DMD: variants seen among roughly 807,000 people sequenced by gnomAD.
The protein encoded by DMD is dystrophin.
A neutral mutation model predicts 330.1 loss-of-function variants in DMD; 63 were observed. That is an observed-to-expected ratio of 0.19 (90% confidence interval 0.16 to 0.24). The LOEUF (loss-of-function observed/expected upper bound fraction) is 0.24, where lower values mean the gene tolerates loss of function less well. Ranked by LOEUF, DMD falls within the 10% of genes least tolerant of loss-of-function variation. The pLI is 1.00. For synonymous variants in DMD, 1,223 were observed against 959.8 expected (o/e 1.27, Z -5.07); for missense variants, 3,344 against 2,684.1 (o/e 1.25, Z -5.43).
intron 46 of DMD, among the ~76,000 whole-genome samples, chrX:31,931,210 T>C (rs1296672126): frequency 9.0e-6 from 1 of 111,316 alleles, no homozygotes; most frequent in Non-Finnish European, 1.9e-5. Context: ...TGGCTGTAAA[T>C]GTATCTAATA....
At chrX:31,760,942 A>AC (rs767837827) in intron 51 of DMD, among the ~76,000 whole-genome samples, 1 of 80,916 alleles carries the variant, frequency 1.2e-5, no homozygotes, top group Non-Finnish European at 2.3e-5. Flanking sequence ...CCTAGTTAGT[A>AC]TTTTTTTTTT....
chrX:31,151,996 A>C (rs2037471259), intron 74 of DMD, among the ~76,000 whole-genome samples: 1 of 111,546 alleles, frequency 9.0e-6, no homozygotes, highest in Non-Finnish European at 1.9e-5. Flanking sequence ...TCATCTTCTA[A>C]TTCCCTTGCC....
intron 44 of DMD, among the ~76,000 whole-genome samples, chrX:32,187,356 C>A (rs941063701): frequency 1.8e-5 from 2 of 111,263 alleles, no homozygotes; most frequent in African/African-American, 6.5e-5. Flanking sequence ...TCACTGAATA[C>A]ATTTCTACCA....
rs187119746 is a variant in DMD, at chrX:32,159,970, G to A, written c.6438+56946C>T. Among the ~76,000 whole-genome samples the A allele has an allele frequency of 3.2e-3, 357 of 111,552 alleles. 4 individuals carry two copies. The highest frequency in any genetic ancestry group is 0.014 in the Middle Eastern group (3 of 218). ...TCTGATGCACATCAAAGTTTGAGAA[G>A]CACTATTCAAAATAATATGCTGGAG... On this transcript the variant is annotated intron_variant, in intron 44 of 78. Transcript: ENST00000357033.
chrX:32,630,989 A>G (rs67578413), intron 11 of DMD, among the ~76,000 whole-genome samples: 14,784 of 110,925 alleles, frequency 0.13, 869 homozygotes, highest in African/African-American at 0.23. Flanking sequence ...CCAGGTATTT[A>G]AAGGTTCTTG....
At chrX:32,867,482 T>G (rs2082607553) in intron 2 of DMD, among the ~76,000 whole-genome samples, 1 of 112,268 alleles carries the variant, frequency 8.9e-6, no homozygotes, top group Non-Finnish European at 1.9e-5. Flanking sequence ...TGAGAAAATC[T>G]TAATAGGTAC....
At chrX:31,678,916 C>A (rs1569219453) in intron 53 of DMD, among the ~76,000 whole-genome samples, 2 of 112,200 alleles carry the variant, frequency 1.8e-5, no homozygotes, top group East Asian at 5.6e-4. Context: ...TGTCAATTTT[C>A]CTCTATTCTC....
chrX:32,907,937 T>C (rs934908030), intron 2 of DMD, among the ~76,000 whole-genome samples: 7 of 109,998 alleles, frequency 6.4e-5, no homozygotes, highest in Non-Finnish European at 9.5e-5. Context: ...AAACACAAAA[T>C]CAGGTGCCCA....
chrX:32,759,740 T>C (rs781243991), intron 7 of DMD, among the ~76,000 whole-genome samples: 1 of 109,930 alleles, frequency 9.1e-6, no homozygotes, highest in Non-Finnish European at 1.9e-5. Context: ...AACTCCTTTT[T>C]TAAAGTTTCA....
intron 44 of DMD, among the ~76,000 whole-genome samples, chrX:32,096,728 G>A (rs1048945269): frequency 9.0e-6 from 1 of 111,205 alleles, no homozygotes; most frequent in Non-Finnish European, 1.9e-5. Flanking sequence ...CTAACAGAGG[G>A]GTTATTAGCC....
intron 62 of DMD, among the ~76,000 whole-genome samples, chrX:31,307,825 C>T (rs2055160481): frequency 9.0e-6 from 1 of 111,645 alleles, no homozygotes; most frequent in African/African-American, 3.3e-5. Flanking sequence ...GGATTTACCA[C>T]TTACCTTACT....
At chrX:32,800,944 C>G (rs1292388503) in intron 7 of DMD, among the ~76,000 whole-genome samples, 1 of 111,635 alleles carries the variant, frequency 9.0e-6, no homozygotes, top group Non-Finnish European at 1.9e-5. Flanking sequence ...TTTATCCAGT[C>G]TATCATTGAT....
At chrX:31,297,260 A>G (rs1401644213) in intron 62 of DMD, among the ~76,000 whole-genome samples, 1 of 110,536 alleles carries the variant, frequency 9.0e-6, no homozygotes, top group Non-Finnish European at 1.9e-5. Context: ...TGTATGGTCT[A>G]AAAAAGAGGA....
chrX:32,489,863 T>G (rs1267053947), intron 20 of DMD, among the ~76,000 whole-genome samples: 2 of 111,940 alleles, frequency 1.8e-5, no homozygotes, highest in Admixed American at 1.9e-4. Context: ...ATTCTTAAAT[T>G]ACAAAATGCA....
chrX:31,841,628 T>C (rs2093320313), intron 48 of DMD, among the ~76,000 whole-genome samples: 2 of 112,047 alleles, frequency 1.8e-5, no homozygotes, highest in Non-Finnish European at 1.9e-5. Flanking sequence ...TTGAAGACAA[T>C]GCTCATTTAC....
At chrX:31,128,982 A>T (rs1569302854) in intron 77 of DMD, among the ~76,000 whole-genome samples, 1 of 110,360 alleles carries the variant, frequency 9.1e-6, no homozygotes, top group African/African-American at 3.3e-5. Flanking sequence ...CTAAACATTT[A>T]TTTTTTTTTG....
chrX:32,181,549 G>A (rs1216292331), intron 44 of DMD, among the ~76,000 whole-genome samples: 2 of 111,245 alleles, frequency 1.8e-5, no homozygotes, highest in Non-Finnish European at 3.8e-5. Context: ...GTTTTTTTAT[G>A]AACAACCCAG....
chrX:31,127,919 G>A (rs139111915), intron 77 of DMD, among the ~76,000 whole-genome samples: 1,294 of 110,270 alleles, frequency 0.012, 6 homozygotes, highest in Middle Eastern at 0.028. Flanking sequence ...ATGACTCAGC[G>A]ATTTCTTAGG....
chrX:31,766,797 T>C (rs927264262), intron 51 of DMD, among the ~76,000 whole-genome samples: 1 of 111,571 alleles, frequency 9.0e-6, no homozygotes, highest in Non-Finnish European at 1.9e-5. Flanking sequence ...TATAAGTTTA[T>C]GTAGTTTCTT....
Sources: allele counts gnomAD v4.1 joint callset (sites outside exome capture counted in the v4.1 genomes callset), GRCh38; gene constraint gnomAD v4.1.1; transcripts MANE v1.5; gene names NCBI Gene and HGNC (gene_info 2026-07-23, HGNC 2026-07-21).